The following BRMS1L variants were observed in gnomAD, a reference collection of about 807,000 sequenced individuals.
BRMS1L encodes BRMS1 like transcriptional repressor, also known as breast cancer metastasis-suppressor 1-like protein.
A neutral mutation model predicts 50.3 loss-of-function variants in BRMS1L; 23 were observed. That is an observed-to-expected ratio of 0.46 (90% CI 0.33 to 0.65). The LOEUF (loss-of-function observed/expected upper bound fraction) is 0.65, where lower values mean the gene tolerates loss of function less well. BRMS1L is among the 30% of genes least tolerant of loss of function. The pLI is 0.02. For missense variants in BRMS1L, 286 were observed against 386.1 expected, an observed-to-expected ratio of 0.74 and a Z score of 2.17; for synonymous variants, 114 against 126.9, an observed-to-expected ratio of 0.90 and a Z score of 0.69.
At position 35,856,202 on chromosome 14, in the gene BRMS1L, G is replaced by T. The variant is rs567771208; in HGVS notation, c.442-6388G>T. ...TCACACAGGCATGCATACAGAAAGT[G>T]TCCCCAAAACCACAGGGGCAAGAGG... is the stretch of plus-strand genomic sequence containing the variant. On this transcript the variant is annotated intron_variant, in intron 4 of 9. Transcript: ENST00000216807. 1.8e-4 allele frequency among the ~76,000 whole-genome samples: 27 copies of T among 152,316 alleles called. 1 individual carries two copies. In the South Asian group the frequency reaches 5.6e-3, roughly 32 times the overall value.
intron 2 of BRMS1L, 149 bp from the exon 3 acceptor site, chr14:35,832,829 C>T: frequency 1.6e-6 from 1 of 608,592 alleles, no homozygotes. Context: ...AATAATGTAA[C>T]TGAGTTCTCT....
intron 4 of BRMS1L, among the ~76,000 whole-genome samples, chr14:35,849,006 A>T (rs1176809171): frequency 6.6e-6 from 1 of 150,688 alleles, no homozygotes; most frequent in Admixed American, 6.6e-5. Context: ...TGGAAATTGT[A>T]TTTTTTTTTC....
At position 35,870,765 on chromosome 14, in the gene BRMS1L, A is replaced by T. The variant is rs73237259; in HGVS notation, c.*288A>T. The T allele has an allele frequency of 3.2e-3, 539 of 166,488 alleles. 2 individuals are homozygous for T. Among genetic ancestry groups the T allele is most frequent in the African/African-American group, 0.012 (489 of 42,090 alleles). 10.3% of individuals were successfully genotyped at this position (166,488 alleles called of 1,614,324 possible). On this transcript the variant is annotated 3_prime_UTR_variant, in exon 10 of 10. Transcript: ENST00000216807. Reference sequence around the variant, plus strand: ...AACATTTTTCTTTGGTTTTAAAAAAAGTTATGCAAATTTGTCTTATCTTTA... The same window carrying T: ...AACATTTTTCTTTGGTTTTAAAAAATGTTATGCAAATTTGTCTTATCTTTA...
intron 2 of BRMS1L, among the ~76,000 whole-genome samples, chr14:35,832,658 C>T (rs969530394): frequency 1.3e-5 from 2 of 152,134 alleles, no homozygotes; most frequent in Middle Eastern, 3.2e-3. Context: ...GTTTAAATGA[C>T]CTTTTCTCTT....
Position 35,853,418 on chromosome 14 carries a change from GATA to G in BRMS1L, c.442-9169_442-9167del, listed in dbSNP as rs1030806515. Among the ~76,000 whole-genome samples, 40 of 151,890 alleles carry G rather than the reference GATA, an allele frequency of 2.6e-4. No individual in the cohort carries two copies. The East Asian group carries it at 6.0e-3, about 23-fold the overall frequency. Reference sequence around the variant, plus strand: ...TGATGTTAATGATGATGATGATGATGATAATGATGATTTTTTGAGACAGGGTCT... The same window carrying G: ...TGATGTTAATGATGATGATGATGATGATGATGATTTTTTGAGACAGGGTCT... On this transcript the variant is annotated intron_variant, in intron 4 of 9. Transcript: ENST00000216807.
Position 35,870,675 on chromosome 14 carries a change from C to T in BRMS1L, c.*198C>T, listed in dbSNP as rs1594354195. ...AATAAAAATTTTATCACGATCCTTA[C>T]GTTGATTTGCCTCTTAGGTCCGATG... On this transcript the variant is annotated 3_prime_UTR_variant, in exon 10 of 10. Coordinates refer to ENST00000216807, the MANE Select transcript of BRMS1L (RefSeq NM_032352.4). 1 of 320,824 alleles carries T rather than the reference C, an allele frequency of 3.1e-6. No individual in the cohort carries two copies. Among genetic ancestry groups the T allele is most frequent in the Non-Finnish European group, 5.9e-6 (1 of 170,610 alleles). 19.9% of individuals were successfully genotyped at this position (320,824 alleles called of 1,614,324 possible). A position where few individuals can be genotyped will look rare whatever the true frequency, so the allele number is the denominator to read the frequency against.
At chr14:35,856,492 A>T (rs1312707770) in intron 4 of BRMS1L, among the ~76,000 whole-genome samples, 2 of 151,976 alleles carry the variant, frequency 1.3e-5, no homozygotes, top group Non-Finnish European at 1.5e-5. Flanking sequence ...TATTCACTTA[A>T]TTTTTTTCTG....
chr14:35,863,402 A>G (rs1020333006), intron 5 of BRMS1L, among the ~76,000 whole-genome samples: 2 of 152,192 alleles, frequency 1.3e-5, no homozygotes, highest in Admixed American at 1.3e-4. Context: ...TTTATCTGTT[A>G]TAAAGTTTAG....
intron 4 of BRMS1L, among the ~76,000 whole-genome samples, chr14:35,853,037 T>C (rs536591610): frequency 8.9e-4 from 134 of 150,546 alleles, no homozygotes; most frequent in Non-Finnish European, 1.8e-3. Context: ...GAGAGACTTA[T>C]CATACTCACA....
At chr14:35,851,144 T>C (rs1185022400) in intron 4 of BRMS1L, among the ~76,000 whole-genome samples, 1 of 152,228 alleles carries the variant, frequency 6.6e-6, no homozygotes, top group Non-Finnish European at 1.5e-5. Context: ...TTGGCAAGAA[T>C]AGTTTATGGA....
chr14:35,858,705 C>T (rs1467719573), intron 4 of BRMS1L: 3 of 151,934 alleles, frequency 2.0e-5, no homozygotes, highest in Non-Finnish European at 2.9e-5. Context: ...CTGGAGGATC[C>T]GCTTCTAAGG....
chr14:35,855,922 C>T (rs1361090551), intron 4 of BRMS1L, among the ~76,000 whole-genome samples: 1 of 152,200 alleles, frequency 6.6e-6, no homozygotes, highest in East Asian at 1.9e-4. Context: ...CAGGGTCACA[C>T]AATTAATGAG....
chr14:35,866,870 CTCAT>C (rs888013157), intron 8 of BRMS1L, among the ~76,000 whole-genome samples: 3 of 152,112 alleles, frequency 2.0e-5, no homozygotes, highest in Non-Finnish European at 4.4e-5. Flanking sequence ...TTTTGAGAAT[CTCAT>C]TATCATAGTT....
intron 9 of BRMS1L, among the ~76,000 whole-genome samples, chr14:35,868,406 A>G (rs556929237): frequency 2.0e-5 from 3 of 152,326 alleles, no homozygotes; most frequent in East Asian, 1.9e-4. Context: ...ATGTGTTACA[A>G]TATTTTAGAT....
chr14:35,859,938 A>G (rs1451309255), intron 4 of BRMS1L, among the ~76,000 whole-genome samples: 1 of 152,084 alleles, frequency 6.6e-6, no homozygotes, highest in Admixed American at 6.5e-5. Flanking sequence ...GGTGTGTGCC[A>G]TTGTGCCTGA....
chr14:35,858,084 T>C (rs1277086635), intron 4 of BRMS1L, among the ~76,000 whole-genome samples: 2 of 151,732 alleles, frequency 1.3e-5, no homozygotes, highest in Non-Finnish European at 1.5e-5. Flanking sequence ...TCCTGTCCAG[T>C]AAAGGTCAAA....
chr14:35,849,422 G>A lies in BRMS1L; in HGVS notation c.442-13168G>A, dbSNP rs181092973. 7.9e-3 allele frequency among the ~76,000 whole-genome samples: 1,207 copies of A among 152,108 alleles called. 7 individuals are homozygous for A. The highest frequency in any genetic ancestry group is 0.012 in the South Asian group (60 of 4,820). ...CTCACCTCAGCCTCCCAAGTAGGTA[G>A]GACTATAGGCATGTGCCACCATACC... On this transcript the variant is annotated intron_variant, in intron 4 of 9. Transcript: ENST00000216807.
At chr14:35,864,027 T>G (rs958729981) in intron 6 of BRMS1L, 74 bp downstream of exon 6, 12 of 1,132,972 alleles carry the variant, frequency 1.1e-5, no homozygotes, top group Non-Finnish European at 1.4e-5. Context: ...TTATAACTTT[T>G]ATTTGTAAAC....
chr14:35,837,823 A>AT (rs540871982), intron 4 of BRMS1L, among the ~76,000 whole-genome samples: 319 of 152,290 alleles, frequency 2.1e-3, no homozygotes, highest in Non-Finnish European at 4.0e-3. Context: ...AAATGCTGGG[A>AT]TTACAGGCTT....
Sources: allele counts gnomAD v4.1 joint callset (sites outside exome capture counted in the v4.1 genomes callset), GRCh38; gene constraint gnomAD v4.1.1; transcripts MANE v1.5; gene names NCBI Gene and HGNC (gene_info 2026-07-23, HGNC 2026-07-21).